Variants in RXYLT1 observed in about 807,000 individuals in gnomAD.
RXYLT1 encodes ribitol-5-phosphate xylosyltransferase 1.
RXYLT1 carries 41 observed loss-of-function variants against 43.5 expected under a neutral mutation model. The ratio of observed to expected loss-of-function variants is 0.94; its 90% CI spans 0.73 to 1.22. The LOEUF is 1.22. Ranked by LOEUF, RXYLT1 falls within the 50% of genes most tolerant of loss-of-function variation. RXYLT1 has a pLI of 0.00. For synonymous variants in RXYLT1, 166 were observed against 194.4 expected (o/e 0.85, Z 1.21); for missense variants, 514 against 532.0 (o/e 0.97, Z 0.33).
At position 63,808,752 on chromosome 12, in the gene RXYLT1, C is replaced by CG. The variant is rs1898371402; in HGVS notation, c.994dup (p.Val332GlyfsTer12). ...CTTCAGAGTGATCTCACATTGTGCC[C>CG]GGTCGGAGTAAACACAGAATGCTAT... On this transcript the variant is annotated frameshift_variant, in exon 6 of 6. Transcript: ENST00000261234. LOFTEE classifies it high-confidence loss of function. The CG allele has an allele frequency of 6.2e-7, 1 of 1,612,412 alleles. No individual in the cohort carries two copies. Among genetic ancestry groups the CG allele is most frequent in the African/African-American group, 1.3e-5 (1 of 74,912 alleles).
intron 1 of RXYLT1, chr12:63,780,592 T>C (rs1897657626): frequency 2.4e-6 from 2 of 838,944 alleles, no homozygotes; most frequent in Admixed American, 5.9e-5. Flanking sequence ...AGACTCGGCT[T>C]TCTCTTTCCC....
intron 3 of RXYLT1, among the ~76,000 whole-genome samples, chr12:63,797,736 C>G (rs1024542742): frequency 9.2e-5 from 14 of 151,982 alleles, no homozygotes; most frequent in African/African-American, 3.4e-4. Context: ...GTGTAGATTT[C>G]TTTAGCAGCC....
At chr12:63,803,797 T>C (rs1158782953) in intron 4 of RXYLT1, 1 of 152,136 alleles carries the variant, frequency 6.6e-6, no homozygotes, top group Non-Finnish European at 1.5e-5. Context: ...AGGTCTGTGG[T>C]TCTCAACCAG....
chr12:63,786,024 C>G (rs1321583808), intron 3 of RXYLT1, among the ~76,000 whole-genome samples: 1 of 152,032 alleles, frequency 6.6e-6, no homozygotes, highest in Non-Finnish European at 1.5e-5. Context: ...TTCCTTTCAT[C>G]TTCATGCTTC....
chr12:63,807,298 G>A (rs1025196724), intron 5 of RXYLT1: 2 of 152,118 alleles, frequency 1.3e-5, no homozygotes, highest in Admixed American at 1.3e-4. Flanking sequence ...CCATAACTCT[G>A]GTTAAATCCA....
At chr12:63,785,148 AAAAT>A (rs1408958253) in intron 3 of RXYLT1, 76 bp downstream of exon 3, 12 of 895,730 alleles carry the variant, frequency 1.3e-5, no homozygotes, top group Admixed American at 2.7e-5. Flanking sequence ...TACTAAAAGA[AAAAT>A]AATAGGAAAA....
intron 4 of RXYLT1, chr12:63,804,325 A>G (rs1022880022): frequency 1.4e-4 from 22 of 152,240 alleles, no homozygotes; most frequent in African/African-American, 4.3e-4. Flanking sequence ...TGTTATATAC[A>G]AACTGTTAGG....
Position 63,785,060 on chromosome 12 carries a change from G to A in RXYLT1, c.416G>A (p.Arg139Lys). 6.2e-7 allele frequency: 1 copy of A among 1,613,424 alleles called. No individual in the cohort carries two copies. Among genetic ancestry groups the A allele is most frequent in the South Asian group, 1.1e-5 (1 of 91,044 alleles). The change falls in exon 3 of 6, where the codon AGA (arginine) becomes AAA (lysine). Residue 139 changes from arginine to lysine, a missense_variant. Arg to Lys is a conservative substitution (Grantham distance 26). Coordinates refer to ENST00000261234, the MANE Select transcript of RXYLT1 (RefSeq NM_014254.3). ...AGAGAAGGAAAGTCAATCGTAGGAA[G>A]AACACAGTACAGGTATTGGTTGTAT... Reference protein sequence around the residue: ...QWREGKSIVGRTQYSFITGPA... With the variant: ...QWREGKSIVGKTQYSFITGPA...
At chr12:63,803,609 G>A (rs1281811920) in intron 4 of RXYLT1, 1 of 152,152 alleles carries the variant, frequency 6.6e-6, no homozygotes, top group African/African-American at 2.4e-5. Flanking sequence ...CCCTAACTCA[G>A]TAGGTTTGGG....
intron 5 of RXYLT1, chr12:63,805,907 G>C (rs966108065): frequency 6.6e-6 from 1 of 152,318 alleles, no homozygotes; most frequent in Non-Finnish European, 1.5e-5. Context: ...GTGGATGAAT[G>C]GTTGGATAGG....
intron 4 of RXYLT1, among the ~76,000 whole-genome samples, chr12:63,802,808 C>T (rs1197342245): frequency 2.0e-5 from 3 of 151,888 alleles, no homozygotes; most frequent in African/African-American, 7.3e-5. Context: ...TTGAGACTGG[C>T]TGAATTTATA....
At chr12:63,792,810 C>A (rs1897947646) in intron 3 of RXYLT1, among the ~76,000 whole-genome samples, 1 of 152,196 alleles carries the variant, frequency 6.6e-6, no homozygotes, top group Non-Finnish European at 1.5e-5. Flanking sequence ...GGGATTGAAC[C>A]ATGGTCCTCC....
chr12:63,804,866 T>TGG (rs945131590), intron 4 of RXYLT1: 4 of 161,178 alleles, frequency 2.5e-5, no homozygotes, highest in African/African-American at 9.6e-5. Flanking sequence ...TTTCATCACC[T>TGG]GGTTAAAATG....
intron 3 of RXYLT1, chr12:63,795,401 C>T (rs948170435): frequency 6.6e-6 from 1 of 152,076 alleles, no homozygotes; most frequent in African/African-American, 2.4e-5. Context: ...TCAAGACCAG[C>T]CTAGGAAATA....
chr12:63,784,189 C>T (rs1897750407), intron 2 of RXYLT1, among the ~76,000 whole-genome samples: 1 of 152,182 alleles, frequency 6.6e-6, no homozygotes, highest in South Asian at 2.1e-4. Context: ...GGACATTATT[C>T]AACCCATCAC....
intron 1 of RXYLT1, chr12:63,780,352 AG>A: frequency 1.6e-6 from 2 of 1,286,546 alleles, no homozygotes; most frequent in Non-Finnish European, 2.0e-6. Flanking sequence ...TCCCGATCCC[AG>A]GGGGTGACAG....
Position 63,780,129 on chromosome 12 carries a change from G to C in RXYLT1, c.169G>C (p.Glu57Gln). 1.3e-6 allele frequency: 2 copies of C among 1,485,474 alleles called. No individual in the cohort carries two copies. Among genetic ancestry groups the C allele is most frequent in the Non-Finnish European group, 1.8e-6 (2 of 1,129,420 alleles). 92.0% of individuals were successfully genotyped at this position (1,485,474 alleles called of 1,614,324 possible). A position where few individuals can be genotyped will look rare whatever the true frequency, so the allele number is the denominator to read the frequency against. Residue 57 changes from glutamate to glutamine, a missense_variant and splice_region_variant, in exon 1 of 6, where the codon GAA (glutamate) becomes CAA (glutamine). Coordinates refer to ENST00000261234, the MANE Select transcript of RXYLT1 (RefSeq NM_014254.3). ...AAPARERRGREQSTLESEEWN... is the reference protein window; with the variant it reads ...AAPARERRGRQQSTLESEEWN... Reference sequence around the variant, plus strand: ...CCCCGCGCGGGAGAGACGCGGCCGAGGTAGGACTGGGTCGGCGGCTTCCTT... The same window carrying C: ...CCCCGCGCGGGAGAGACGCGGCCGACGTAGGACTGGGTCGGCGGCTTCCTT...
At chr12:63,792,666 G>A (rs1383412102) in intron 3 of RXYLT1, among the ~76,000 whole-genome samples, 1 of 152,204 alleles carries the variant, frequency 6.6e-6, no homozygotes, top group African/African-American at 2.4e-5. Context: ...AGTGGTTGCT[G>A]TGTTCCAGGG....
At chr12:63,796,184 A>G (rs1367019538) in intron 3 of RXYLT1, among the ~76,000 whole-genome samples, 1 of 152,148 alleles carries the variant, frequency 6.6e-6, no homozygotes, top group Non-Finnish European at 1.5e-5. Context: ...AGTACTGCCC[A>G]TGTATTTTGT....
Sources: allele counts gnomAD v4.1 joint callset (sites outside exome capture counted in the v4.1 genomes callset), GRCh38; gene constraint gnomAD v4.1.1; transcripts MANE v1.5; gene names NCBI Gene and HGNC (gene_info 2026-07-23, HGNC 2026-07-21).